Variants in PHF12 observed in about 807,000 individuals in gnomAD.
PHF12 encodes PHD factor 1.
Under a neutral mutation model 99.8 loss-of-function variants are expected in PHF12, and 6 were observed. The observed-to-expected ratio is 0.06, with a 90% confidence interval of 0.03 to 0.12. The LOEUF is 0.12. Ranked by LOEUF, PHF12 falls within the 10% of genes least tolerant of loss-of-function variation. The probability of loss-of-function intolerance (pLI) is 1.00; values close to 1 mark genes in which losing one functional copy is unlikely to be tolerated. For missense variants in PHF12, 954 were observed against 1,300.1 expected (o/e 0.73, Z 4.09); for synonymous variants, 480 against 514.9 (o/e 0.93, Z 0.92).
rs2040765211 is a variant in PHF12, at chr17:28,949,157, T to C, written c.248+908A>G. ...CAGCTCCTTAAAAATGCCTTTCTAG[T>C]GCCACCGCACACAATCCTCCCTCTG... On this transcript the variant is annotated intron_variant, in intron 2 of 14. Transcript: ENST00000332830. This position sits in a 1 kb window ranked among gnomAD's most constrained non-coding sequence, Gnocchi z 4.6. Among the ~76,000 whole-genome samples the C allele has an allele frequency of 6.6e-6, 1 of 152,166 alleles. No homozygotes were observed. The highest frequency in any genetic ancestry group is 6.5e-5 in the Admixed American group (1 of 15,282).
chr17:28,933,814 A>C (rs532604203), intron 2 of PHF12, among the ~76,000 whole-genome samples: 1 of 152,238 alleles, frequency 6.6e-6, no homozygotes, highest in South Asian at 2.1e-4. Flanking sequence ...TTGGGAGGCT[A>C]AGGTGGGAGG....
Position 28,910,284 on chromosome 17 carries a change from T to A in PHF12, c.2301A>T (p.Gln767His). 1 of 1,614,160 alleles carries A rather than the reference T, an allele frequency of 6.2e-7. No individual in the cohort carries two copies. The highest frequency in any genetic ancestry group is 8.5e-7 in the Non-Finnish European group (1 of 1,180,024). Residue 767 changes from glutamine to histidine, a missense_variant, in exon 11 of 15, where the codon CAA becomes CAT. By Grantham distance (24) the Gln-to-His change is conservative. This residue lies in a region of PHF12 where 143 missense variants were observed against 191.8 expected (regional missense o/e 0.75). Coordinates refer to ENST00000332830, the MANE Select transcript of PHF12 (RefSeq NM_001033561.2). ...GTGTCCCGACACTGCCCGGTGAAGG[T>A]TGGACCCGGGAGGGGAAAAGCTGAT... ...RIHQLFPSRV[Q>H]PSPGSVGTHQ... is the part of the protein sequence containing the mutation.
At chr17:28,941,039 CTTT>C (rs34310397) in intron 2 of PHF12, among the ~76,000 whole-genome samples, 1 of 134,316 alleles carries the variant, frequency 7.4e-6, no homozygotes, top group Non-Finnish European at 1.6e-5. Flanking sequence ...GGAAAACAGA[CTTT>C]TTTTTTTTTT....
intron 9 of PHF12, chr17:28,912,077 G>T: frequency 9.8e-7 from 1 of 1,016,742 alleles, no homozygotes; most frequent in Admixed American, 5.5e-5. Context: ...CTTTTGTGTG[G>T]ATCTGACAAT....
At chr17:28,913,368 AG>A in intron 8 of PHF12, 91 bp from the exon 9 acceptor site, 1 of 1,508,136 alleles carries the variant, frequency 6.6e-7, no homozygotes. Context: ...AGAGCTGACA[AG>A]CAGTTTCCGA....
intron 11 of PHF12, chr17:28,909,879 C>G (rs924673850): frequency 1.7e-6 from 1 of 599,136 alleles, no homozygotes; most frequent in Admixed American, 3.0e-5. Flanking sequence ...GTGTGAGCCA[C>G]TGCACTCAGT....
At position 28,951,355 on chromosome 17, in the gene PHF12, T is replaced by A; in HGVS notation, c.-395A>T. 2 of 993,970 alleles carry A rather than the reference T, an allele frequency of 2.0e-6. No individual in the cohort carries two copies. Among genetic ancestry groups the A allele is most frequent in the Non-Finnish European group, 2.4e-6 (2 of 832,684 alleles). The allele number at this position is 993,970 out of a possible 1,614,324, so 61.6% of individuals were successfully genotyped here. A position where few individuals can be genotyped will look rare whatever the true frequency, so the allele number is the denominator to read the frequency against. On this transcript the variant is annotated 5_prime_UTR_variant, in exon 1 of 15. Transcript: ENST00000332830. The stretch of plus-strand genomic sequence containing the variant: ...GGGGGGGTGAGAGGTTACGTGAGGT[T>A]GTGGTACGTGAGGTGACTGGGGGGA...
rs2040779340 is a variant in PHF12 at position 28,949,920 on chromosome 17, G to T, written c.248+145C>A. ...GCCAGAACCCGGCGGACACCTGGGG[G>T]CGGGGAGGTGCTCGCCCCGGCAGCT... is the stretch of plus-strand genomic sequence containing the variant. On this transcript the variant is annotated intron_variant, in intron 2 of 14. Coordinates refer to ENST00000332830, the MANE Select transcript of PHF12 (RefSeq NM_001033561.2). The surrounding 1 kb of genome is among the most constrained non-coding windows in gnomAD (Gnocchi z 4.6). 2.2e-6 allele frequency: 2 copies of T among 908,860 alleles called. No homozygotes were observed. Among genetic ancestry groups the T allele is most frequent in the Admixed American group, 2.8e-5 (1 of 35,456 alleles). The allele number at this position is 908,860 out of a possible 1,614,324, so 56.3% of individuals were successfully genotyped here.
chr17:28,913,757 A>C (rs1277312623), intron 8 of PHF12, 122 bp downstream of exon 8: 1 of 1,349,398 alleles, frequency 7.4e-7, no homozygotes, highest in Non-Finnish European at 1.0e-6. Flanking sequence ...TCAACTCTTG[A>C]GGGGTTAGGA....
chr17:28,944,003 A>T (rs931539978), intron 2 of PHF12, among the ~76,000 whole-genome samples: 3 of 152,214 alleles, frequency 2.0e-5, no homozygotes, highest in African/African-American at 7.2e-5. Flanking sequence ...AACATTACTG[A>T]TTTAGCTTTC....
intron 2 of PHF12, chr17:28,928,368 C>A (rs2040324481): frequency 6.6e-6 from 1 of 152,210 alleles, no homozygotes; most frequent in South Asian, 2.1e-4. Flanking sequence ...GATAACCAAA[C>A]AGCTTTTCCA....
chr17:28,910,899 T>C (rs770603588), intron 10 of PHF12: 1 of 580,894 alleles, frequency 1.7e-6, no homozygotes. Flanking sequence ...TCTTTGATTA[T>C]GTGTATATGC....
chr17:28,944,337 T>C (rs1464752213), intron 2 of PHF12, among the ~76,000 whole-genome samples: 2 of 152,080 alleles, frequency 1.3e-5, no homozygotes, highest in African/African-American at 4.8e-5. Flanking sequence ...ATAACAGTAC[T>C]ACTAAGTACT....
chr17:28,924,519 A>G, intron 3 of PHF12: 1 of 620,256 alleles, frequency 1.6e-6, no homozygotes, highest in Non-Finnish European at 2.8e-6. Flanking sequence ...ATCACCAAAA[A>G]GCATGGTAAG....
chr17:28,943,237 T>C (rs2152678372), intron 2 of PHF12, among the ~76,000 whole-genome samples: 1 of 152,360 alleles, frequency 6.6e-6, no homozygotes, highest in South Asian at 2.1e-4. Context: ...GCAGCTTCTT[T>C]GGAAAACAGG....
chr17:28,912,397 C>T, intron 9 of PHF12, 85 bp downstream of exon 9: 2 of 1,490,462 alleles, frequency 1.3e-6, no homozygotes, highest in Non-Finnish European at 1.8e-6. Context: ...GAAGTATTCA[C>T]AGGGATATAA....
chr17:28,908,512 G>T, intron 12 of PHF12: 1 of 434,444 alleles, frequency 2.3e-6, no homozygotes, highest in Non-Finnish European at 4.2e-6. Flanking sequence ...TAGAGATAGG[G>T]TTTCACCATG....
intron 7 of PHF12, among the ~76,000 whole-genome samples, chr17:28,914,299 T>A (rs1232754894): frequency 6.6e-6 from 1 of 152,146 alleles, no homozygotes; most frequent in Non-Finnish European, 1.5e-5. Flanking sequence ...AGACTGGCAC[T>A]GGACAGGGCT....
In PHF12 at chr17:28,950,286, C is replaced by T; in HGVS notation, c.67-40G>A. On this transcript the variant is annotated intron_variant, in intron 1 of 14. Coordinates refer to ENST00000332830, the MANE Select transcript of PHF12 (RefSeq NM_001033561.2). This position sits in a 1 kb window ranked among gnomAD's most constrained non-coding sequence, Gnocchi z 5.7. ...AAACGGCGTGTGTGCACACTCGGAG[C>T]TCCCGGGCGGTCCGTCGCCCCCCCG... The T allele has an allele frequency of 6.4e-7, 1 of 1,558,978 alleles. No homozygotes were observed. Among genetic ancestry groups the T allele is most frequent in the East Asian group, 2.4e-5 (1 of 42,390 alleles).
Sources: gnomAD v4.1 joint callset for allele counts (sites outside exome capture counted in the v4.1 genomes callset) on GRCh38, gnomAD v4.1.1 for gene constraint, gnomAD v4.1.1 regional missense constraint, Gnocchi (gnomAD v3.1) non-coding constraint, MANE v1.5 for transcripts, NCBI Gene and HGNC (gene_info 2026-07-23, HGNC 2026-07-21) for gene names.